ZCCHC7: variants seen among roughly 807,000 people sequenced by gnomAD.
ZCCHC7 encodes zinc finger CCHC-type containing 7, also known as zinc finger CCHC domain-containing protein 7.
In ZCCHC7, 35 loss-of-function variants were observed where a neutral mutation model predicts 52.0. The observed-to-expected ratio is 0.67, with a 90% CI of 0.51 to 0.89. The LOEUF (loss-of-function observed/expected upper bound fraction) is 0.89, where lower values mean the gene tolerates loss of function less well. ZCCHC7 is among the 40% of genes least tolerant of loss of function. The pLI is 0.00. For synonymous variants in ZCCHC7, 217 were observed against 221.5 expected (o/e 0.98, Z 0.18); for missense variants, 574 against 649.1 (o/e 0.88, Z 1.26).
At chr9:37,207,011 A>T (rs1056362933) in intron 2 of ZCCHC7, among the ~76,000 whole-genome samples, 1 of 151,796 alleles carries the variant, frequency 6.6e-6, no homozygotes, top group African/African-American at 2.4e-5. Flanking sequence ...CCGTAGTCCC[A>T]GCTACTGGAG....
intron 2 of ZCCHC7, among the ~76,000 whole-genome samples, chr9:37,226,194 C>T (rs373485262): frequency 7.9e-5 from 12 of 152,134 alleles, no homozygotes; most frequent in African/African-American, 2.9e-4. Flanking sequence ...GCCATTTTCA[C>T]AGTATCAAAA....
At chr9:37,234,377 C>T (rs1388801848) in intron 2 of ZCCHC7, among the ~76,000 whole-genome samples, 1 of 152,198 alleles carries the variant, frequency 6.6e-6, no homozygotes, top group Admixed American at 6.5e-5. Flanking sequence ...GTCCTTAACA[C>T]CTATGTCTCA....
At chr9:37,306,546 A>ACG (rs1314245164) in intron 5 of ZCCHC7, among the ~76,000 whole-genome samples, 1 of 149,620 alleles carries the variant, frequency 6.7e-6, no homozygotes, top group Non-Finnish European at 1.5e-5. Flanking sequence ...GCTAACTGCA[A>ACG]CCTCCAACTC....
intron 2 of ZCCHC7, among the ~76,000 whole-genome samples, chr9:37,152,314 C>T (rs893677124): frequency 2.0e-5 from 3 of 151,624 alleles, no homozygotes; most frequent in African/African-American, 7.3e-5. Context: ...TGTCATGTGC[C>T]CTGTATTCAG....
chr9:37,229,717 G>A (rs1825306432), intron 2 of ZCCHC7, among the ~76,000 whole-genome samples: 1 of 152,076 alleles, frequency 6.6e-6, no homozygotes, highest in African/African-American at 2.4e-5. Flanking sequence ...AATTTTATAA[G>A]CACTGTACAC....
chr9:37,218,966 G>A (rs561595873), intron 2 of ZCCHC7, among the ~76,000 whole-genome samples: 37 of 114,144 alleles, frequency 3.2e-4, no homozygotes, highest in African/African-American at 1.2e-3. Context: ...TTTTTTTTGA[G>A]ATTGGGATTC....
chr9:37,175,619 C>A (rs1397603530), intron 2 of ZCCHC7, among the ~76,000 whole-genome samples: 1 of 151,874 alleles, frequency 6.6e-6, no homozygotes, highest in Non-Finnish European at 1.5e-5. Context: ...CGCCTGTAAT[C>A]CCATCTACTC....
At chr9:37,221,768 A>C (rs1015249345) in intron 2 of ZCCHC7, among the ~76,000 whole-genome samples, 2 of 152,236 alleles carry the variant, frequency 1.3e-5, no homozygotes, top group African/African-American at 4.8e-5. Context: ...AGGAACATGA[A>C]ATACGAGTAC....
At chr9:37,195,237 G>A (rs1180397208) in intron 2 of ZCCHC7, among the ~76,000 whole-genome samples, 3 of 152,098 alleles carry the variant, frequency 2.0e-5, no homozygotes, top group East Asian at 3.9e-4. Context: ...GTAAGCCACC[G>A]CGTCCAGCCA....
intron 6 of ZCCHC7, among the ~76,000 whole-genome samples, chr9:37,332,131 G>C (rs891311576): frequency 6.6e-6 from 1 of 151,458 alleles, no homozygotes. Context: ...TGATTGATCA[G>C]GTGTTGCTAT....
intron 2 of ZCCHC7, among the ~76,000 whole-genome samples, chr9:37,147,012 T>A (rs1280733309): frequency 6.6e-6 from 1 of 151,884 alleles, no homozygotes; most frequent in African/African-American, 2.4e-5. Flanking sequence ...GTCCAGAAAT[T>A]AACATTCAAA....
At chr9:37,247,841 CA>C (rs1372776652) in intron 2 of ZCCHC7, among the ~76,000 whole-genome samples, 1 of 151,994 alleles carries the variant, frequency 6.6e-6, no homozygotes, top group Non-Finnish European at 1.5e-5. Flanking sequence ...GTCAAGGCTG[CA>C]GTGAGCCATG....
chr9:37,336,288 A>G (rs1367241100), intron 6 of ZCCHC7, among the ~76,000 whole-genome samples: 1 of 152,216 alleles, frequency 6.6e-6, no homozygotes, highest in Non-Finnish European at 1.5e-5. Context: ...GCACTTTATC[A>G]GTACATGCAG....
At chr9:37,154,499 T>A (rs1461378898) in intron 2 of ZCCHC7, among the ~76,000 whole-genome samples, 1 of 152,192 alleles carries the variant, frequency 6.6e-6, no homozygotes, top group Non-Finnish European at 1.5e-5. Context: ...TGTTGGCTTT[T>A]TTTGAGACAG....
At chr9:37,142,212 A>T (rs10283534) in intron 2 of ZCCHC7, among the ~76,000 whole-genome samples, 85,459 of 151,528 alleles carry the variant, frequency 0.56, 24,745 homozygotes, top group African/African-American at 0.7. Context: ...GATATACTGT[A>T]AATAGGCTAA....
intron 2 of ZCCHC7, among the ~76,000 whole-genome samples, chr9:37,256,177 T>C (rs761101781): frequency 1.3e-4 from 20 of 152,162 alleles, no homozygotes; most frequent in Non-Finnish European, 2.9e-4. Flanking sequence ...TTATAAATTA[T>C]GATAGGTCAT....
chr9:37,194,758 T>G (rs1181143411), intron 2 of ZCCHC7, among the ~76,000 whole-genome samples: 1 of 152,132 alleles, frequency 6.6e-6, no homozygotes, highest in Non-Finnish European at 1.5e-5. Flanking sequence ...AAATTGAATC[T>G]CTAACAAATA....
At chr9:37,273,056 C>T (rs1483987557) in intron 2 of ZCCHC7, among the ~76,000 whole-genome samples, 1 of 152,154 alleles carries the variant, frequency 6.6e-6, no homozygotes, top group South Asian at 2.1e-4. Context: ...GGCCAACTGC[C>T]TCTGTTTTTA....
intron 2 of ZCCHC7, among the ~76,000 whole-genome samples, chr9:37,282,759 T>G (rs1195930523): frequency 6.6e-6 from 1 of 150,456 alleles, no homozygotes. Context: ...TGGCCCCAGC[T>G]ACATGGAAGC....
Sources: gnomAD v4.1 joint callset for allele counts (sites outside exome capture counted in the v4.1 genomes callset) on GRCh38, gnomAD v4.1.1 for gene constraint, MANE v1.5 for transcripts, NCBI Gene and HGNC (gene_info 2026-07-23, HGNC 2026-07-21) for gene names.